The following PTPRQ variants were observed in gnomAD, a reference collection of about 807,000 sequenced individuals.
PTPRQ encodes phosphatidylinositol phosphatase PTPRQ.
In PTPRQ, 199 loss-of-function variants were observed where a neutral mutation model predicts 246.0. The ratio of observed to expected loss-of-function variants is 0.81; its 90% confidence interval spans 0.72 to 0.91. The LOEUF is 0.91. Among genes scored for constraint, PTPRQ ranks in the 40% least tolerant of loss-of-function variants. The pLI is 0.00. For missense variants in PTPRQ, 2,624 were observed against 2,528.4 expected, an observed-to-expected ratio of 1.04 and a Z score of -0.81; for synonymous variants, 869 against 853.2, an observed-to-expected ratio of 1.02 and a Z score of -0.32.
intron 3 of PTPRQ, among the ~76,000 whole-genome samples, chr12:80,456,310 A>G (rs954048640): frequency 1.3e-5 from 2 of 152,182 alleles, no homozygotes; most frequent in African/African-American, 4.8e-5. Context: ...GAGTCTTACA[A>G]TGAGAAAAGA....
intron 42 of PTPRQ, among the ~76,000 whole-genome samples, chr12:80,671,651 A>G (rs1900973639): frequency 6.6e-6 from 1 of 152,132 alleles, no homozygotes; most frequent in African/African-American, 2.4e-5. Flanking sequence ...TTCTACATTT[A>G]GCTTCCAATT....
At position 80,620,370 on chromosome 12, in the gene PTPRQ, A is replaced by T. The variant is rs1275679740; in HGVS notation, c.5606A>T (p.Gln1869Leu). Residue 1869 changes from glutamine (Q) to leucine (L), a missense_variant, in exon 32 of 45, where the codon CAA (glutamine) becomes CTA (leucine). By Grantham distance (113) the Gln-to-Leu change is moderately radical. Coordinates refer to ENST00000644991, the MANE Select transcript of PTPRQ (RefSeq NM_001145026.2). ...AATGGACCACTGAAACCAAAAAAGC[A>T]ATACTTGTAAGTATAGGTTATATCT... ...ICNGPLKPKK[Q>L]YLFKFRATNI... The T allele has an allele frequency of 3.2e-6, 5 of 1,548,896 alleles. No homozygotes were observed. The highest frequency in any genetic ancestry group is 4.4e-6 in the Non-Finnish European group (5 of 1,145,150).
chr12:80,467,254 A>G (rs1428419838), intron 6 of PTPRQ, among the ~76,000 whole-genome samples: 3 of 152,208 alleles, frequency 2.0e-5, no homozygotes, highest in Admixed American at 2.0e-4. Flanking sequence ...ACACATGAAA[A>G]GATGCTCACC....
At chr12:80,490,913 C>T (rs1894427488) in intron 9 of PTPRQ, among the ~76,000 whole-genome samples, 1 of 151,848 alleles carries the variant, frequency 6.6e-6, no homozygotes, top group Non-Finnish European at 1.5e-5. Context: ...TATCATCTAA[C>T]CTAATGTCTT....
chr12:80,569,094 G>A (rs1040187440), intron 25 of PTPRQ, among the ~76,000 whole-genome samples: 7 of 138,070 alleles, frequency 5.1e-5, no homozygotes, highest in Non-Finnish European at 7.9e-5. Context: ...TTAGTACTGA[G>A]TTATAGGAGT....
chr12:80,563,662 C>T (rs1896893974), intron 25 of PTPRQ, among the ~76,000 whole-genome samples: 1 of 152,106 alleles, frequency 6.6e-6, no homozygotes, highest in South Asian at 2.1e-4. Context: ...GAGGATTTCT[C>T]CTTGCTCCTG....
intron 26 of PTPRQ, among the ~76,000 whole-genome samples, chr12:80,600,147 G>C (rs1898094489): frequency 6.6e-6 from 1 of 151,800 alleles, no homozygotes; most frequent in Non-Finnish European, 1.5e-5. Context: ...TCAGCAAGGG[G>C]CTAAATACCT....
At chr12:80,451,865 TG>T (rs769821023) in intron 3 of PTPRQ, among the ~76,000 whole-genome samples, 118 of 1,218 alleles carry the variant, frequency 0.097, 16 homozygotes, top group Non-Finnish European at 0.15. Context: ...TGATTTGGGG[TG>T]GAGAATTCCG....
chr12:80,571,512 G>C (rs1230995393), intron 25 of PTPRQ, among the ~76,000 whole-genome samples: 1 of 152,100 alleles, frequency 6.6e-6, no homozygotes, highest in African/African-American at 2.4e-5. Flanking sequence ...TTTTCTTAAT[G>C]GCACCTGTGC....
In PTPRQ at chr12:80,588,465, C is replaced by T; in HGVS notation, c.4609+13C>T. 1 of 1,455,362 alleles carries T rather than the reference C, an allele frequency of 6.9e-7. No individual in the cohort carries two copies. The highest frequency in any genetic ancestry group is 9.1e-7 in the Non-Finnish European group (1 of 1,102,388). The allele number at this position is 1,455,362 out of a possible 1,614,324, so 90.2% of individuals were successfully genotyped here. On this transcript the variant is annotated intron_variant, in intron 26 of 44. Coordinates refer to ENST00000644991, the MANE Select transcript of PTPRQ (RefSeq NM_001145026.2). ...ACTCTGCCTGGCCGTGAGTATTGTC[C>T]TGACATGTACATACTGATTTCTGTT...
intron 3 of PTPRQ, among the ~76,000 whole-genome samples, chr12:80,449,897 T>C (rs1592514094): frequency 6.6e-6 from 1 of 152,150 alleles, no homozygotes; most frequent in Non-Finnish European, 1.5e-5. Flanking sequence ...AAGTAGTTTT[T>C]TCCAATTCTG....
intron 14 of PTPRQ, among the ~76,000 whole-genome samples, chr12:80,499,564 A>C (rs1242190167): frequency 2.0e-5 from 3 of 151,998 alleles, no homozygotes; most frequent in Non-Finnish European, 4.4e-5. Context: ...TTCATGTAAA[A>C]AAATATGGGC....
At chr12:80,513,401 G>A (rs987722673) in intron 17 of PTPRQ, among the ~76,000 whole-genome samples, 14 of 152,232 alleles carry the variant, frequency 9.2e-5, no homozygotes, top group Admixed American at 7.2e-4. Context: ...AGTGTGTGCT[G>A]TTAGGCCGCT....
At position 80,460,864 on chromosome 12, in the gene PTPRQ, G is replaced by T. The variant is rs1353569524; in HGVS notation, c.872G>T (p.Gly291Val). 1 of 400,636 alleles carries T rather than the reference G, an allele frequency of 2.5e-6. No homozygotes were observed. Among genetic ancestry groups the T allele is most frequent in the Non-Finnish European group, 4.4e-6 (1 of 226,202 alleles). The allele number at this position is 400,636 out of a possible 1,614,324, so 24.8% of individuals were successfully genotyped here. ...GTTTCAGCTGCTACAACTGAAGCAG[G>T]TTATATTGATAGTACGATTGTCAGA... is the stretch of plus-strand genomic sequence containing the variant. ...FEVSAATTEA[G>V]YIDSTIVRTP... The change falls in exon 6 of 45, where the codon GGT becomes GTT. Residue 291 changes from glycine to valine, a missense_variant. Gly to Val is a moderately radical substitution (Grantham distance 109, BLOSUM62 -3). Transcript: ENST00000644991.
intron 9 of PTPRQ, among the ~76,000 whole-genome samples, chr12:80,486,097 A>C (rs1894267163): frequency 6.6e-6 from 1 of 152,164 alleles, no homozygotes; most frequent in Non-Finnish European, 1.5e-5. Context: ...CTCTCTGAAC[A>C]TCAGTTTCTT....
chr12:80,448,395 T>G (rs1892621804), intron 3 of PTPRQ, among the ~76,000 whole-genome samples: 1 of 152,158 alleles, frequency 6.6e-6, no homozygotes, highest in African/African-American at 2.4e-5. Flanking sequence ...TTATTGTACT[T>G]TAAGTTTTAG....
rs114816871 is a variant in PTPRQ, at chr12:80,589,913, C to A, written c.4609+1461C>A. Among the ~76,000 whole-genome samples, 1,019 of 152,244 alleles carry A rather than the reference C, an allele frequency of 6.7e-3. 12 individuals carry two copies. Among genetic ancestry groups the A allele is most frequent in the African/African-American group, 0.023 (970 of 41,540 alleles). On this transcript the variant is annotated intron_variant, in intron 26 of 44. Transcript: ENST00000644991. ...TGAGAGAGCTGTACTTGGCCCTTTTCTCTTCTTTATCAGCACACAACCCCA... is the reference window on the plus strand; with the variant it reads ...TGAGAGAGCTGTACTTGGCCCTTTTATCTTCTTTATCAGCACACAACCCCA...
chr12:80,670,333 C>T lies in PTPRQ; in HGVS notation c.6454-11C>T. 1 of 1,549,470 alleles carries T rather than the reference C, an allele frequency of 6.5e-7. No individual in the cohort carries two copies. Among genetic ancestry groups the T allele is most frequent in the Non-Finnish European group, 8.7e-7 (1 of 1,145,936 alleles). On this transcript the variant is annotated splice_polypyrimidine_tract_variant and intron_variant, in intron 41 of 44. Transcript: ENST00000644991. The stretch of plus-strand genomic sequence containing the variant: ...TAATTTTGTCATTCATTAATCCGTC[C>T]CTTTGTCTAGCATGGGGATTGCATG...
At chr12:80,610,757 G>A in intron 28 of PTPRQ, 132 bp downstream of exon 28, 1 of 1,087,326 alleles carries the variant, frequency 9.2e-7, no homozygotes, top group Non-Finnish European at 1.2e-6. Flanking sequence ...AAAAATTAGT[G>A]ACTCTCTGCA....
Sources: gnomAD v4.1 joint callset for allele counts (sites outside exome capture counted in the v4.1 genomes callset) on GRCh38, gnomAD v4.1.1 for gene constraint, MANE v1.5 for transcripts, NCBI Gene and HGNC (gene_info 2026-07-23, HGNC 2026-07-21) for gene names.